Variants in ZNF536 observed in about 807,000 individuals in gnomAD.
ZNF536 encodes zinc finger protein 536.
ZNF536 carries 13 observed loss-of-function variants against 84.5 expected under a neutral mutation model. That is an observed-to-expected ratio of 0.15 (90% CI 0.10 to 0.24). The LOEUF (loss-of-function observed/expected upper bound fraction) is 0.24. Ranked by LOEUF, ZNF536 falls within the 10% of genes least tolerant of loss-of-function variation. The pLI is 1.00. For missense variants in ZNF536, 1,536 were observed against 1,747.5 expected, an observed-to-expected ratio of 0.88 and a Z score of 2.16; for synonymous variants, 811 against 742.5, an observed-to-expected ratio of 1.09 and a Z score of -1.50.
At chr19:30,583,693 G>A (rs1167794894) in intron 1 of ZNF536, among the ~76,000 whole-genome samples, 2 of 152,176 alleles carry the variant, frequency 1.3e-5, no homozygotes, top group African/African-American at 4.8e-5. Flanking sequence ...CCTCATGAGG[G>A]CAGCAATCAA....
intron 1 of ZNF536, among the ~76,000 whole-genome samples, chr19:30,262,109 G>T (rs1261657919): frequency 2.0e-5 from 3 of 152,208 alleles, no homozygotes; most frequent in Non-Finnish European, 2.9e-5. Context: ...GGTTTAGGTG[G>T]CGATGGTGGT....
intron 1 of ZNF536, among the ~76,000 whole-genome samples, chr19:30,709,847 G>T (rs1293226760): frequency 6.6e-6 from 1 of 152,124 alleles, no homozygotes; most frequent in African/African-American, 2.4e-5. Context: ...AAACTCCTGG[G>T]CTCAAACGAC....
chr19:30,229,879 C>T (rs2022905710), intron 1 of ZNF536, among the ~76,000 whole-genome samples: 1 of 152,226 alleles, frequency 6.6e-6, no homozygotes, highest in South Asian at 2.1e-4. Context: ...TGCCTGTGGA[C>T]TTTGTCTGCC....
In ZNF536 at chr19:30,445,890, C is replaced by T. The variant is rs889667487; in HGVS notation, c.2170+158C>T. On this transcript the variant is annotated intron_variant, in intron 2 of 4. Transcript: ENST00000355537. This position sits in a 1 kb window ranked among gnomAD's most constrained non-coding sequence, Gnocchi z 4.5. ...CTGGGCCATGCCTTTCTTTCCCCCC[C>T]TGACTGGAGGGAAAGGGCCGTCCTT... 2.0e-5 allele frequency among the ~76,000 whole-genome samples: 3 copies of T among 152,240 alleles called. No homozygotes were observed. In the East Asian group the frequency reaches 5.8e-4, roughly 29 times the overall value.
intron 2 of ZNF536, among the ~76,000 whole-genome samples, chr19:30,454,274 T>C (rs1449217740): frequency 2.0e-5 from 3 of 152,190 alleles, no homozygotes; most frequent in Admixed American, 6.5e-5. Context: ...CCAAAACCAT[T>C]TGATGCACGA....
At chr19:30,228,091 A>G (rs890897734), upstream of ZNF536, among the ~76,000 whole-genome samples, 1 of 151,086 alleles carries the variant, frequency 6.6e-6, no homozygotes, top group Non-Finnish European at 1.5e-5. The surrounding 1 kb of genome is among the most constrained non-coding windows in gnomAD (Gnocchi z 4.5). Flanking sequence ...GGGTGGTGAG[A>G]CTGGGAACGC....
intron 1 of ZNF536, among the ~76,000 whole-genome samples, chr19:30,419,230 A>C (rs926447617): frequency 2.6e-5 from 4 of 152,230 alleles, no homozygotes; most frequent in African/African-American, 9.6e-5. Flanking sequence ...TTAAGGCAGA[A>C]CGCTCCTTCA....
Position 30,466,584 on chromosome 19 carries a change from AAGAG to A in ZNF536, c.2170+20868_2170+20871del, listed in dbSNP as rs372587955. Among the ~76,000 whole-genome samples, 12 of 144,462 alleles carry A rather than the reference AAGAG, an allele frequency of 8.3e-5. No individual in the cohort carries two copies. The South Asian group carries it at 9.1e-4, about 11-fold the overall frequency. 94.8% of individuals were successfully genotyped at this position (144,462 alleles called of 152,430 possible). ...TTAGAAAGAAAGAAAGAAAGAAAGA[AAGAG>A]AGAGAGAGAGAGAGAAAGAAAAGAG... On this transcript the variant is annotated intron_variant, in intron 2 of 4. Transcript: ENST00000355537.
chr19:30,432,630 C>A (rs1220905171), intron 1 of ZNF536, among the ~76,000 whole-genome samples: 3 of 152,128 alleles, frequency 2.0e-5, no homozygotes, highest in Admixed American at 6.5e-5. Context: ...CTTTCTCATG[C>A]ACGCGGAGCC....
At chr19:30,279,177 T>C (rs1006111046) in intron 1 of ZNF536, among the ~76,000 whole-genome samples, 4 of 152,256 alleles carry the variant, frequency 2.6e-5, no homozygotes, top group Non-Finnish European at 5.9e-5. Context: ...TCTCTGATTG[T>C]CACTGTCACT....
intron 1 of ZNF536, among the ~76,000 whole-genome samples, chr19:30,414,795 C>G (rs1011474025): frequency 2.6e-5 from 4 of 152,100 alleles, no homozygotes; most frequent in Non-Finnish European, 4.4e-5. Flanking sequence ...TGTATAAAAC[C>G]TTTAATGATT....
intron 2 of ZNF536, among the ~76,000 whole-genome samples, chr19:30,451,703 A>G (rs1304387646): frequency 6.6e-6 from 1 of 152,060 alleles, no homozygotes; most frequent in Non-Finnish European, 1.5e-5. Context: ...GAGTCACTCA[A>G]ATGTGTTTCT....
rs143107751 is a variant in ZNF536, at chr19:30,606,271, TAA to T, written c.169+56760_169+56761del. Among the ~76,000 whole-genome samples, 98 of 23,760 alleles carry T rather than the reference TAA, an allele frequency of 4.1e-3. 3 individuals carry two copies. Among genetic ancestry groups the T allele is most frequent in the African/African-American group, 9.4e-3 (93 of 9,880 alleles). The allele number at this position is 23,760 out of a possible 152,430, so 15.6% of individuals were successfully genotyped here. The stretch of plus-strand genomic sequence containing the variant: ...ATAAAATAAATAAAATAAAATAAAA[TAA>T]AATAAAATAAAATAAAATAAATAAA... On this transcript the variant is annotated intron_variant, in intron 1 of 1. Transcript: ENST00000592773.
intron 2 of ZNF536, among the ~76,000 whole-genome samples, chr19:30,455,368 G>A (rs2052790410): frequency 6.6e-6 from 1 of 152,096 alleles, no homozygotes; most frequent in African/African-American, 2.4e-5. Context: ...CATATAATGT[G>A]TAAAGATCGA....
At chr19:30,263,250 G>C (rs1050896657) in intron 1 of ZNF536, among the ~76,000 whole-genome samples, 3 of 152,190 alleles carry the variant, frequency 2.0e-5, no homozygotes, top group Admixed American at 2.0e-4. Context: ...TTGCTTATGT[G>C]GATGCCAGGG....
chr19:30,389,999 G>A (rs996255475), intron 1 of ZNF536, among the ~76,000 whole-genome samples: 2 of 152,210 alleles, frequency 1.3e-5, no homozygotes, highest in South Asian at 2.1e-4. Flanking sequence ...ACTCCTCCCA[G>A]GGATTTCCCT....
intron 3 of ZNF536, among the ~76,000 whole-genome samples, chr19:30,363,905 T>C (rs1420397375): frequency 2.0e-5 from 3 of 152,072 alleles, no homozygotes; most frequent in Non-Finnish European, 4.4e-5. Context: ...CAGGGGTTTG[T>C]CAGATGCATT....
At chr19:30,471,537 A>G (rs1486046311) in intron 2 of ZNF536, among the ~76,000 whole-genome samples, 1 of 152,218 alleles carries the variant, frequency 6.6e-6, no homozygotes, top group East Asian at 1.9e-4. Flanking sequence ...GATCACCCAG[A>G]TGCCCCTAGA....
intron 3 of ZNF536, among the ~76,000 whole-genome samples, chr19:30,364,346 G>A (rs1262655449): frequency 3.3e-5 from 5 of 151,870 alleles, no homozygotes; most frequent in Non-Finnish European, 5.9e-5. Flanking sequence ...GACAACATAG[G>A]GAGACCCCAT....
Sources: gnomAD v4.1 joint callset for allele counts (sites outside exome capture counted in the v4.1 genomes callset) on GRCh38, gnomAD v4.1.1 for gene constraint, Gnocchi (gnomAD v3.1) non-coding constraint, MANE v1.5 for transcripts, NCBI Gene and HGNC (gene_info 2026-07-23, HGNC 2026-07-21) for gene names.